FANCC: variants seen among roughly 807,000 people sequenced by gnomAD.
FANCC encodes the protein Fanconi anemia group C protein.
A neutral mutation model predicts 71.3 loss-of-function variants in FANCC; 55 were observed. The ratio of observed to expected loss-of-function variants is 0.77; its 90% CI spans 0.62 to 0.97. The LOEUF is 0.97. FANCC is among the 50% of genes least tolerant of loss of function. The pLI is 0.00. For synonymous variants in FANCC, 275 were observed against 244.9 expected (o/e 1.12, Z -1.15); for missense variants, 678 against 670.9 (o/e 1.01, Z -0.12).
At chr9:95,227,770 C>T (rs1829715601) in intron 4 of FANCC, among the ~76,000 whole-genome samples, 1 of 152,210 alleles carries the variant, frequency 6.6e-6, no homozygotes, top group African/African-American at 2.4e-5. Context: ...CCAGCTAAAC[C>T]TTCTTGAGTA....
At chr9:95,227,708 C>T (rs1048132185) in intron 4 of FANCC, among the ~76,000 whole-genome samples, 2 of 152,214 alleles carry the variant, frequency 1.3e-5, no homozygotes, top group African/African-American at 4.8e-5. Context: ...GTTTTGCCTT[C>T]CAAGTTAAGT....
At chr9:95,107,526 A>G in intron 13 of FANCC, 2 of 568,914 alleles carry the variant, frequency 3.5e-6, no homozygotes, top group Non-Finnish European at 6.3e-6. Flanking sequence ...TTTTTTGTAT[A>G]AAAGGAAACA....
chr9:95,207,650 T>C (rs1331862775), intron 4 of FANCC, among the ~76,000 whole-genome samples: 1 of 152,078 alleles, frequency 6.6e-6, no homozygotes, highest in Admixed American at 6.5e-5. Context: ...ACTGAGCAGG[T>C]CAGACGGACA....
At position 95,186,780 on chromosome 9, in the gene FANCC, G is replaced by A. The variant is rs923717661; in HGVS notation, c.346-14633C>T. On this transcript the variant is annotated intron_variant, in intron 4 of 14. Coordinates refer to ENST00000289081, the MANE Select transcript of FANCC (RefSeq NM_000136.3). ...AGGTTAGGGGGAGACTGCTGCGCTCGGACTGTTGGATTTTTTTTTTTTTTT... is the reference window on the plus strand; with the variant it reads ...AGGTTAGGGGGAGACTGCTGCGCTCAGACTGTTGGATTTTTTTTTTTTTTT... Among the ~76,000 whole-genome samples the A allele has an allele frequency of 4.3e-4, 65 of 150,874 alleles. 1 individual carries two copies. The highest frequency in any genetic ancestry group is 1.2e-3 in the African/African-American group (47 of 40,834).
At chr9:95,286,367 G>A (rs1028388630) in intron 1 of FANCC, among the ~76,000 whole-genome samples, 1 of 152,170 alleles carries the variant, frequency 6.6e-6, no homozygotes, top group Non-Finnish European at 1.5e-5. Context: ...ACGTGGAGAT[G>A]TCTGGTGTAG....
At chr9:95,266,141 C>T (rs1832372363) in intron 1 of FANCC, among the ~76,000 whole-genome samples, 1 of 152,202 alleles carries the variant, frequency 6.6e-6, no homozygotes, top group Non-Finnish European at 1.5e-5. Context: ...AACTTAAAAA[C>T]TGTTGAGAGC....
In FANCC at chr9:95,101,486, G is replaced by A; in HGVS notation, c.*221C>T. 1 of 606,286 alleles carries A rather than the reference G, an allele frequency of 1.6e-6. No individual in the cohort carries two copies. 37.6% of individuals were successfully genotyped at this position (606,286 alleles called of 1,614,324 possible). ...CACCAGGAGTACCGAAGGCTCACTT[G>A]AGTCATTAGTGAACATGTCTGACTG... On this transcript the variant is annotated 3_prime_UTR_variant, in exon 15 of 15. Transcript: ENST00000289081.
intron 1 of FANCC, among the ~76,000 whole-genome samples, chr9:95,311,457 AATCT>A (rs1159431667): frequency 3.3e-5 from 5 of 152,164 alleles, no homozygotes; most frequent in African/African-American, 1.2e-4. Context: ...GCACCTCCAA[AATCT>A]TATAAAAGAA....
chr9:95,132,930 GCT>G (rs1827134227), intron 8 of FANCC, among the ~76,000 whole-genome samples: 1 of 152,136 alleles, frequency 6.6e-6, no homozygotes, highest in Non-Finnish European at 1.5e-5. Flanking sequence ...AATTAACAGT[GCT>G]CTATATAAAA....
intron 4 of FANCC, among the ~76,000 whole-genome samples, chr9:95,214,295 G>A (rs1828707880): frequency 6.6e-6 from 1 of 152,116 alleles, no homozygotes; most frequent in Non-Finnish European, 1.5e-5. Flanking sequence ...AGCTGAGCAT[G>A]ATGGTGCATG....
chr9:95,256,117 T>C (rs1283189967), intron 1 of FANCC, among the ~76,000 whole-genome samples: 1 of 152,172 alleles, frequency 6.6e-6, no homozygotes, highest in Admixed American at 6.5e-5. Context: ...GAAAACACTC[T>C]TCAGGGTATC....
rs34697587 is a variant in FANCC, at chr9:95,180,339, CTTTTTT to C, written c.346-8198_346-8193del. On this transcript the variant is annotated intron_variant, in intron 4 of 14. Transcript: ENST00000289081. ...GCCTAAAGCTGTCTTACAGTTAACT[CTTTTTT>C]TTTTTTTTTTTTTTTTTTTGAGACA... Among the ~76,000 whole-genome samples the C allele has an allele frequency of 4.6e-3, 378 of 82,198 alleles. 4 individuals carry two copies. The East Asian group carries it at 0.073, about 16-fold the overall frequency. The allele number at this position is 82,198 out of a possible 152,430, so 53.9% of individuals were successfully genotyped here.
intron 4 of FANCC, among the ~76,000 whole-genome samples, chr9:95,220,212 G>T (rs1475170478): frequency 6.6e-6 from 1 of 152,144 alleles, no homozygotes; most frequent in Non-Finnish European, 1.5e-5. Flanking sequence ...AAAAAGTCAG[G>T]AAACAACAGG....
At chr9:95,104,040 G>A (rs1406446469) in intron 14 of FANCC, among the ~76,000 whole-genome samples, 1 of 152,144 alleles carries the variant, frequency 6.6e-6, no homozygotes, top group Non-Finnish European at 1.5e-5. Context: ...CTGTAGGAGG[G>A]AAAGGCCGTC....
intron 6 of FANCC, among the ~76,000 whole-genome samples, chr9:95,165,120 AT>A: frequency 6.6e-6 from 1 of 151,404 alleles, no homozygotes; most frequent in African/African-American, 2.4e-5. Context: ...ATCAGTTTTA[AT>A]TTCTATTCTT....
chr9:95,121,671 T>C (rs892501647), intron 10 of FANCC, among the ~76,000 whole-genome samples: 2 of 152,160 alleles, frequency 1.3e-5, no homozygotes, highest in African/African-American at 4.8e-5. Flanking sequence ...CAGCCACACA[T>C]GGCAACGTCA....
chr9:95,165,163 T>C (rs542463256), intron 6 of FANCC, among the ~76,000 whole-genome samples: 2 of 151,890 alleles, frequency 1.3e-5, no homozygotes, highest in East Asian at 3.9e-4. Context: ...AGTCTTCTCT[T>C]TTTTTTTCTT....
At chr9:95,293,118 T>C in intron 1 of FANCC, 1 of 1,613,270 alleles carries the variant, frequency 6.2e-7, no homozygotes, top group Non-Finnish European at 8.5e-7. Context: ...AACTAGAAGC[T>C]TCAGAAATAA....
intron 7 of FANCC, among the ~76,000 whole-genome samples, chr9:95,143,885 A>G (rs1203199175): frequency 1.3e-5 from 2 of 152,192 alleles, no homozygotes; most frequent in Non-Finnish European, 2.9e-5. Flanking sequence ...AAGAAATTTA[A>G]AAGTTCCTCT....
Sources: allele counts gnomAD v4.1 joint callset (sites outside exome capture counted in the v4.1 genomes callset), GRCh38; gene constraint gnomAD v4.1.1; transcripts MANE v1.5; gene names NCBI Gene and HGNC (gene_info 2026-07-23, HGNC 2026-07-21).